ANKRD27: variants seen among roughly 807,000 people sequenced by gnomAD.
ANKRD27 encodes ankyrin repeat domain 27, also known as ankyrin repeat domain-containing protein 27.
Under a neutral mutation model 129.7 loss-of-function variants are expected in ANKRD27, and 112 were observed. The observed-to-expected ratio is 0.86, with a 90% CI of 0.74 to 1.01. The LOEUF (loss-of-function observed/expected upper bound fraction) is 1.01, where lower values mean the gene tolerates loss of function less well. Ranked by LOEUF, ANKRD27 falls within the 50% of genes least tolerant of loss-of-function variation. ANKRD27 has a pLI of 0.00. For missense variants in ANKRD27, 1,258 were observed against 1,300.5 expected (o/e 0.97, Z 0.50); for synonymous variants, 516 against 511.2 (o/e 1.01, Z -0.13).
At chr19:32,614,434 C>T (rs371205) in intron 22 of ANKRD27, among the ~76,000 whole-genome samples, 152,233 of 152,234 alleles carry the variant, frequency 1, 76,116 homozygotes, top group Middle Eastern at 1. Flanking sequence ...CCAGGCGCAG[C>T]GGCTCACACC....
intron 5 of ANKRD27, 193 bp from the exon 6 acceptor site, chr19:32,643,824 C>T (rs1245244220): frequency 1.7e-6 from 1 of 603,276 alleles, no homozygotes; most frequent in South Asian, 1.9e-5. Flanking sequence ...GGGGTTAACA[C>T]AGAGGATAAT....
chr19:32,633,843 G>A (rs12981834), intron 12 of ANKRD27, among the ~76,000 whole-genome samples: 3,647 of 151,606 alleles, frequency 0.024, 67 homozygotes, highest in East Asian at 0.11. Context: ...GCAAAATAGC[G>A]AGACCTCATC....
intron 2 of ANKRD27, among the ~76,000 whole-genome samples, chr19:32,653,158 T>C (rs1416070760): frequency 6.6e-6 from 1 of 152,130 alleles, no homozygotes; most frequent in Non-Finnish European, 1.5e-5. Flanking sequence ...CCTGGCACGG[T>C]GCCTGGCGTG....
chr19:32,646,785 C>T (rs1967312551), intron 3 of ANKRD27, among the ~76,000 whole-genome samples, 170 bp from the exon 4 acceptor site: 1 of 152,122 alleles, frequency 6.6e-6, no homozygotes, highest in Non-Finnish European at 1.5e-5. Flanking sequence ...AAAATGTTTC[C>T]TCTTTGTTGG....
At chr19:32,600,524 G>C (rs1269640778) in intron 26 of ANKRD27, among the ~76,000 whole-genome samples, 1 of 152,152 alleles carries the variant, frequency 6.6e-6, no homozygotes, top group Non-Finnish European at 1.5e-5. Flanking sequence ...CTGGGCGACA[G>C]AGCAAGACTC....
chr19:32,599,949 A>C (rs1384597167), intron 27 of ANKRD27, 23 bp downstream of exon 27: 55 of 1,600,714 alleles, frequency 3.4e-5, no homozygotes, highest in Non-Finnish European at 4.4e-5. Flanking sequence ...AAGCACAGAA[A>C]TCAACTTGAG....
At chr19:32,662,862 G>C (rs1967672731) in intron 1 of ANKRD27, among the ~76,000 whole-genome samples, 1 of 152,088 alleles carries the variant, frequency 6.6e-6, no homozygotes, top group Admixed American at 6.6e-5. Context: ...GGACAACATG[G>C]TGAAACCCCG....
chr19:32,615,647 C>G lies in ANKRD27; in HGVS notation c.2175+11G>C, dbSNP rs1251586115. The G allele has an allele frequency of 1.9e-6, 3 of 1,613,982 alleles. No individual in the cohort carries two copies. The highest frequency in any genetic ancestry group is 2.5e-6 in the Non-Finnish European group (3 of 1,180,016). ...ATTCCCTGACCTCCACCAACAGAAA[C>G]AAAGCCAAACCTTCTGAGCTGGGGC... On this transcript the variant is annotated intron_variant, in intron 22 of 28. Transcript: ENST00000306065.
intron 18 of ANKRD27, among the ~76,000 whole-genome samples, chr19:32,622,128 G>A (rs898951500): frequency 2.0e-5 from 3 of 152,098 alleles, no homozygotes; most frequent in East Asian, 1.9e-4. Context: ...CTGCCCCTGC[G>A]GAGCCTCGTT....
intron 22 of ANKRD27, among the ~76,000 whole-genome samples, chr19:32,612,251 A>G (rs1369101641): frequency 6.6e-6 from 1 of 152,188 alleles, no homozygotes; most frequent in Non-Finnish European, 1.5e-5. Flanking sequence ...GGAGAGATGT[A>G]CCATGTTCAT....
Position 32,598,197 on chromosome 19 carries a change from T to TCC in ANKRD27, c.3099_3100dup (p.Glu1034GlyfsTer37). 1 of 1,614,124 alleles carries TCC rather than the reference T, an allele frequency of 6.2e-7. No individual in the cohort carries two copies. The highest frequency in any genetic ancestry group is 8.5e-7 in the Non-Finnish European group (1 of 1,180,026). On this transcript the variant is annotated frameshift_variant, in exon 29 of 29. Coordinates refer to ENST00000306065, the MANE Select transcript of ANKRD27 (RefSeq NM_032139.3). LOFTEE classifies it low-confidence loss of function (END_TRUNC). ...GGGAGTGGAGAGGGGGCCAGCAGCC[T>TCC]CCGGGCCCTGGGACACGACCGCATC...
At chr19:32,608,586 G>A (rs1971786630) in intron 22 of ANKRD27, 1 of 193,150 alleles carries the variant, frequency 5.2e-6, no homozygotes, top group Non-Finnish European at 1.1e-5. Flanking sequence ...AAAAGAAGCT[G>A]GAAAACACAC....
intron 21 of ANKRD27, 56 bp from the exon 22 acceptor site, chr19:32,615,836 A>G (rs395136): frequency 0.2 from 311,280 of 1,582,048 alleles, 46,414 homozygotes; most frequent in African/African-American, 0.72. Flanking sequence ...TTGCATGCAC[A>G]ATATCTTAAA....
chr19:32,597,953 G>T lies in ANKRD27; in HGVS notation c.*192C>A. ...AATTGTATTCATTAGCTTTGAAGAGGAGAGAGATGGTGGTGGTTAACTTTT... is the reference window on the plus strand; with the variant it reads ...AATTGTATTCATTAGCTTTGAAGAGTAGAGAGATGGTGGTGGTTAACTTTT... On this transcript the variant is annotated 3_prime_UTR_variant, in exon 29 of 29. Transcript: ENST00000306065. The T allele has an allele frequency of 1.7e-6, 1 of 599,748 alleles. No individual in the cohort carries two copies. Among genetic ancestry groups the T allele is most frequent in the South Asian group, 2.0e-5 (1 of 49,852 alleles). The allele number at this position is 599,748 out of a possible 1,614,324, so 37.2% of individuals were successfully genotyped here. A position where few individuals can be genotyped will look rare whatever the true frequency, so the allele number is the denominator to read the frequency against.
At chr19:32,619,630 C>T in intron 18 of ANKRD27, 77 bp from the exon 19 acceptor site, 2 of 1,549,472 alleles carry the variant, frequency 1.3e-6, no homozygotes, top group South Asian at 2.2e-5. Context: ...ACCCACACGC[C>T]CCACTGCCGG....
chr19:32,631,510 C>T lies in ANKRD27; in HGVS notation c.1117-16G>A. 1 of 1,605,752 alleles carries T rather than the reference C, an allele frequency of 6.2e-7. No individual in the cohort carries two copies. Among genetic ancestry groups the T allele is most frequent in the Non-Finnish European group, 8.5e-7 (1 of 1,173,116 alleles). Reference sequence around the variant, plus strand: ...CCTCAGACTCCTGCAGGGAAAAAACCAAACACACCACGAGATGTCAGTGCA... The same window carrying T: ...CCTCAGACTCCTGCAGGGAAAAAACTAAACACACCACGAGATGTCAGTGCA... On this transcript the variant is annotated splice_polypyrimidine_tract_variant and intron_variant, in intron 12 of 28. Coordinates refer to ENST00000306065, the MANE Select transcript of ANKRD27 (RefSeq NM_032139.3).
At chr19:32,604,850 G>A (rs545610524) in intron 24 of ANKRD27, among the ~76,000 whole-genome samples, 5 of 152,086 alleles carry the variant, frequency 3.3e-5, no homozygotes, top group Non-Finnish European at 5.9e-5. Context: ...CTGAGGTCAG[G>A]AGTTCAAGAC....
chr19:32,645,313 G>A (rs1237459192), intron 4 of ANKRD27, among the ~76,000 whole-genome samples: 1 of 152,062 alleles, frequency 6.6e-6, no homozygotes, highest in Non-Finnish European at 1.5e-5. Context: ...TCAGGAGGCT[G>A]AGACAGGAGA....
At chr19:32,652,581 T>C (rs1324318710) in intron 2 of ANKRD27, among the ~76,000 whole-genome samples, 1 of 145,668 alleles carries the variant, frequency 6.9e-6, no homozygotes, top group African/African-American at 2.6e-5. Flanking sequence ...ATCCCGGGGG[T>C]AGGGTGTGGG....
Sources: gnomAD v4.1 joint callset for allele counts (sites outside exome capture counted in the v4.1 genomes callset) on GRCh38, gnomAD v4.1.1 for gene constraint, MANE v1.5 for transcripts, NCBI Gene and HGNC (gene_info 2026-07-23, HGNC 2026-07-21) for gene names.